TUSC3: variants seen among roughly 807,000 people sequenced by gnomAD.
TUSC3 encodes the protein tumor suppressor candidate 3.
TUSC3 carries 45 observed loss-of-function variants against 44.8 expected under a neutral mutation model. The ratio of observed to expected loss-of-function variants is 1.00; its 90% CI spans 0.79 to 1.29. The LOEUF is 1.29. Ranked by LOEUF, TUSC3 falls within the 50% of genes most tolerant of loss-of-function variation. The pLI is 0.00. For synonymous variants in TUSC3, 212 were observed against 152.9 expected (o/e 1.39, Z -2.85); for missense variants, 519 against 437.9 (o/e 1.19, Z -1.65).
At chr8:15,755,749 T>A (rs906473248) in intron 9 of TUSC3, among the ~76,000 whole-genome samples, 4 of 151,838 alleles carry the variant, frequency 2.6e-5, no homozygotes, top group Non-Finnish European at 4.4e-5. Flanking sequence ...AAAAAAAAAG[T>A]AGAAGGTGTT....
At chr8:15,560,364 G>A (rs1802413447) in intron 1 of TUSC3, among the ~76,000 whole-genome samples, 1 of 138,686 alleles carries the variant, frequency 7.2e-6, no homozygotes, top group Non-Finnish European at 1.6e-5. Context: ...GGTTTCTGCT[G>A]AGAGATCCGC....
At chr8:15,515,734 C>T (rs1488374570) in intron 2 of TUSC3, among the ~76,000 whole-genome samples, 1 of 152,110 alleles carries the variant, frequency 6.6e-6, no homozygotes. Context: ...GTCATGCAAT[C>T]TCGGCCCACT....
At chr8:15,792,496 G>T in the TUSC3 span, among the ~76,000 whole-genome samples, 2 of 152,212 alleles carry the variant, frequency 1.3e-5, no homozygotes, top group African/African-American at 4.8e-5. Context: ...CAGCCATAAT[G>T]AGAAGTCTCA....
chr8:15,498,525 C>A (rs6530877), intron 2 of TUSC3, among the ~76,000 whole-genome samples: 13 of 151,934 alleles, frequency 8.6e-5, no homozygotes. Context: ...AGGATCCTAG[C>A]GATGAATTTG....
chr8:15,627,227 G>C lies in TUSC3; in HGVS notation c.308+3978G>C, dbSNP rs114917051. Among the ~76,000 whole-genome samples the C allele has an allele frequency of 5.8e-3, 888 of 152,282 alleles. 9 individuals are homozygous for C. Among genetic ancestry groups the C allele is most frequent in the African/African-American group, 0.02 (825 of 41,558 alleles). On this transcript the variant is annotated intron_variant, in intron 2 of 10. Coordinates refer to ENST00000503731, the MANE Select transcript of TUSC3 (RefSeq NM_006765.4). ...ACAATGGTAGGACCAGATGCAGAGA[G>C]GTGCTGCTCTTTCTGCTGAGAGCTG...
intron 1 of TUSC3, among the ~76,000 whole-genome samples, chr8:15,559,628 G>A (rs189433775): frequency 7.2e-6 from 1 of 139,258 alleles, no homozygotes; most frequent in African/African-American, 2.6e-5. Context: ...TTATTAATGT[G>A]TGGGAGTCTA....
chr8:15,564,442 A>T (rs1363543394), intron 1 of TUSC3, among the ~76,000 whole-genome samples: 1 of 152,182 alleles, frequency 6.6e-6, no homozygotes, highest in Non-Finnish European at 1.5e-5. Flanking sequence ...TTATTACTGA[A>T]TATTATTGAA....
At chr8:15,497,614 G>A (rs907911161) in intron 2 of TUSC3, among the ~76,000 whole-genome samples, 5 of 152,180 alleles carry the variant, frequency 3.3e-5, no homozygotes, top group African/African-American at 9.7e-5. Context: ...TAGAGAATAC[G>A]AATATAGACA....
chr8:15,741,976 A>C (rs1267105881), intron 7 of TUSC3, among the ~76,000 whole-genome samples: 1 of 152,162 alleles, frequency 6.6e-6, no homozygotes, highest in East Asian at 1.9e-4. Flanking sequence ...TGTTATTAAC[A>C]ATGTCCCATG....
At chr8:15,511,934 A>G (rs563670252) in intron 2 of TUSC3, among the ~76,000 whole-genome samples, 4 of 152,286 alleles carry the variant, frequency 2.6e-5, no homozygotes, top group South Asian at 2.1e-4. Context: ...AAAGATATCA[A>G]TTGATCCTAA....
At chr8:15,545,644 C>T (rs1385274220) in intron 1 of TUSC3, among the ~76,000 whole-genome samples, 1 of 151,682 alleles carries the variant, frequency 6.6e-6, no homozygotes, top group African/African-American at 2.4e-5. Flanking sequence ...GGGTATTTTT[C>T]TCCACATGCA....
rs1471828947 is a variant in TUSC3 at position 15,509,907 on chromosome 8, C to G, written n.189+26424C>G. ...ATTTCCCCAGTTATCTAATGCTTAC[C>G]AGGAGAATCCAGAAAGCTTTGGTTG... On this transcript the variant is annotated intron_variant and non_coding_transcript_variant, in intron 2 of 5. Coordinates refer to the TUSC3 transcript ENST00000503191. Among the ~76,000 whole-genome samples the G allele has an allele frequency of 2.6e-5, 4 of 151,958 alleles. No homozygotes were observed. In the East Asian group the frequency reaches 7.7e-4, roughly 29 times the overall value.
chr8:15,813,387 AAC>A, the TUSC3 span, among the ~76,000 whole-genome samples: 9 of 27,398 alleles, frequency 3.3e-4, no homozygotes, highest in Non-Finnish European at 5.4e-4. Context: ...CAAACAAACA[AAC>A]AAAAAAAAAA....
chr8:15,694,660 G>A (rs1325444948), intron 6 of TUSC3, among the ~76,000 whole-genome samples: 2 of 152,020 alleles, frequency 1.3e-5, no homozygotes, highest in African/African-American at 4.8e-5. Context: ...TATAAGGTGG[G>A]CATGGTTGAC....
intron 2 of TUSC3, among the ~76,000 whole-genome samples, chr8:15,637,553 T>C (rs1806138057): frequency 6.6e-6 from 1 of 152,224 alleles, no homozygotes; most frequent in Non-Finnish European, 1.5e-5. Flanking sequence ...CATGATTTTG[T>C]TTTTAGGGAA....
At chr8:15,585,392 C>G (rs1419559190) in intron 1 of TUSC3, among the ~76,000 whole-genome samples, 2 of 152,206 alleles carry the variant, frequency 1.3e-5, no homozygotes, top group East Asian at 3.9e-4. Flanking sequence ...TTCTCATGAC[C>G]TAGAGAAGTA....
chr8:15,825,434 C>T, the TUSC3 span, among the ~76,000 whole-genome samples: 2 of 152,052 alleles, frequency 1.3e-5, 1 homozygote, highest in East Asian at 3.9e-4. Flanking sequence ...GAGACTTATT[C>T]ATTGTCACAA....
At chr8:15,458,403 T>A (rs1180064359) in intron 1 of TUSC3, among the ~76,000 whole-genome samples, 2 of 151,974 alleles carry the variant, frequency 1.3e-5, no homozygotes, top group African/African-American at 4.8e-5. Flanking sequence ...CACACTTGGA[T>A]AATTGTTGTA....
intron 1 of TUSC3, among the ~76,000 whole-genome samples, chr8:15,577,345 T>C (rs572919718): frequency 1.5e-4 from 23 of 152,002 alleles, no homozygotes; most frequent in African/African-American, 5.5e-4. Context: ...TTTTGGCTTT[T>C]GTTGCCATTG....
Sources: allele counts gnomAD v4.1 joint callset (sites outside exome capture counted in the v4.1 genomes callset), GRCh38; gene constraint gnomAD v4.1.1; transcripts MANE v1.5; gene names NCBI Gene and HGNC (gene_info 2026-07-23, HGNC 2026-07-21).